Variants in DGKI observed in about 807,000 individuals in gnomAD.
The protein encoded by DGKI is diacylglycerol kinase iota.
DGKI carries 55 observed loss-of-function variants against 147.5 expected under a neutral mutation model. The observed-to-expected ratio is 0.37, with a 90% CI of 0.30 to 0.47. DGKI has a LOEUF of 0.47. Ranked by LOEUF, DGKI falls within the 20% of genes least tolerant of loss-of-function variation. The pLI is 1.00. For missense variants in DGKI, 1,007 were observed against 1,323.8 expected, an observed-to-expected ratio of 0.76 and a Z score of 3.71; for synonymous variants, 469 against 477.1, an observed-to-expected ratio of 0.98 and a Z score of 0.22.
chr7:137,653,175 G>A (rs952793996), intron 5 of DGKI, among the ~76,000 whole-genome samples: 1 of 152,214 alleles, frequency 6.6e-6, no homozygotes, highest in Non-Finnish European at 1.5e-5. Flanking sequence ...GCAGTAGCTT[G>A]GTTTAGTCTG....
Position 137,763,458 on chromosome 7 carries a change from G to C in DGKI, c.402-73456C>G, listed in dbSNP as rs1379882166. On this transcript the variant is annotated intron_variant, in intron 1 of 32. Coordinates refer to ENST00000614521, the MANE Select transcript of DGKI (RefSeq NM_001321708.2). ...TGCTTTGGCTTAACATTCTCAGTGGGCCAGTGTTTGCATTTAGGGATCACT... is the reference window on the plus strand; with the variant it reads ...TGCTTTGGCTTAACATTCTCAGTGGCCCAGTGTTTGCATTTAGGGATCACT... Among the ~76,000 whole-genome samples the C allele has an allele frequency of 1.3e-5, 2 of 152,144 alleles. 1 individual carries two copies. Among genetic ancestry groups the C allele is most frequent in the South Asian group, 4.1e-4 (2 of 4,820 alleles).
chr7:137,435,691 T>G (rs1373665702), intron 28 of DGKI, among the ~76,000 whole-genome samples: 1 of 152,172 alleles, frequency 6.6e-6, no homozygotes, highest in Non-Finnish European at 1.5e-5. Flanking sequence ...CCCAAAGTCA[T>G]TGCAAAGTGA....
In DGKI at chr7:137,466,017, T is replaced by A; in HGVS notation, c.2503A>T (p.Met835Leu). The A allele has an allele frequency of 3.7e-6, 6 of 1,613,792 alleles. No individual in the cohort carries two copies. Among genetic ancestry groups the A allele is most frequent in the Non-Finnish European group, 5.1e-6 (6 of 1,179,772 alleles). ...AAAATCTCATCTTGGGAAATCTCCA[T>A]CACAAAGTGCAAATGTTCCTAAAGA... Reference protein sequence around the residue: ...DRSQEHLHFVMEISQDEIFIL... With the variant: ...DRSQEHLHFVLEISQDEIFIL... The change falls in exon 26 of 33, where the codon ATG (methionine) becomes TTG (leucine). Residue 835 changes from methionine to leucine, a missense_variant. Physicochemically the swap from Met to Leu is conservative, Grantham distance 15. Around this residue, in one of 5 missense-constraint regions of DGKI, gnomAD observed 385 missense variants for 445.2 expected, o/e 0.86. Coordinates refer to ENST00000614521, the MANE Select transcript of DGKI (RefSeq NM_001321708.2).
chr7:137,635,357 A>T (rs1476438021), intron 6 of DGKI, among the ~76,000 whole-genome samples: 1 of 152,230 alleles, frequency 6.6e-6, no homozygotes, highest in Non-Finnish European at 1.5e-5. Flanking sequence ...ACAACCAGCT[A>T]CTTTGAGGCA....
rs1395317149 is a variant in DGKI, at chr7:137,383,309, T to C, written c.*7911A>G. On this transcript the variant is annotated 3_prime_UTR_variant, in exon 33 of 33. Coordinates refer to ENST00000614521, the MANE Select transcript of DGKI (RefSeq NM_001321708.2). ...CAATTCCCAAATCTCCTAAAAAAGA[T>C]ATGTTTCTACTAAAGCATAGGTGTG... 7.4e-6 allele frequency: 1 copy of C among 135,756 alleles called. No individual in the cohort carries two copies. Among genetic ancestry groups the C allele is most frequent in the Non-Finnish European group, 1.7e-5 (1 of 59,112 alleles). 8.4% of individuals were successfully genotyped at this position (135,756 alleles called of 1,614,324 possible).
At chr7:137,818,647 T>G (rs2882782) in intron 1 of DGKI, among the ~76,000 whole-genome samples, 2 of 152,116 alleles carry the variant, frequency 1.3e-5, no homozygotes, top group African/African-American at 4.8e-5. Context: ...TTCACCATGT[T>G]GGTCAGCTGG....
At chr7:137,397,305 T>C (rs1374824483) in intron 31 of DGKI, 72 bp downstream of exon 31, 1 of 1,430,304 alleles carries the variant, frequency 7.0e-7, no homozygotes, top group Non-Finnish European at 9.7e-7. Context: ...ATATGCTCTA[T>C]AGATTACATT....
chr7:137,425,876 A>C (rs10233838), intron 28 of DGKI, among the ~76,000 whole-genome samples: 61,672 of 151,694 alleles, frequency 0.41, 13,079 homozygotes, highest in East Asian at 0.74. Flanking sequence ...ATGAACAAAG[A>C]CTCCAAGAAA....
At chr7:137,603,988 T>C (rs991300892) in intron 10 of DGKI, among the ~76,000 whole-genome samples, 1 of 152,154 alleles carries the variant, frequency 6.6e-6, no homozygotes, top group African/African-American at 2.4e-5. Context: ...AGCTTTTTTT[T>C]CTCCCAGACT....
intron 23 of DGKI, among the ~76,000 whole-genome samples, chr7:137,476,876 A>C (rs577719809): frequency 6.6e-6 from 1 of 152,226 alleles, no homozygotes; most frequent in Non-Finnish European, 1.5e-5. Flanking sequence ...GACCTTATGC[A>C]CAGGGTTTTA....
chr7:137,445,063 T>A (rs985254185), intron 27 of DGKI, among the ~76,000 whole-genome samples: 1 of 152,174 alleles, frequency 6.6e-6, no homozygotes, highest in African/African-American at 2.4e-5. Context: ...ACTCAGGAGT[T>A]TGGCAATAGA....
intron 1 of DGKI, among the ~76,000 whole-genome samples, chr7:137,725,313 A>G (rs1187816720): frequency 6.6e-6 from 1 of 152,198 alleles, no homozygotes; most frequent in South Asian, 2.1e-4. Context: ...CATTTGAAAT[A>G]TATTCTTCTG....
intron 1 of DGKI, among the ~76,000 whole-genome samples, chr7:137,796,171 G>T (rs968276499): frequency 1.3e-5 from 2 of 152,162 alleles, no homozygotes; most frequent in Non-Finnish European, 2.9e-5. Context: ...CTCTGAGAAA[G>T]CCTAGATATT....
rs116195814 is a variant in DGKI, at chr7:137,781,002, G to A, written c.401+65460C>T. 2.9e-3 allele frequency among the ~76,000 whole-genome samples: 440 copies of A among 152,330 alleles called. 3 individuals carry two copies. Among genetic ancestry groups the A allele is most frequent in the African/African-American group, 0.01 (417 of 41,580 alleles). On this transcript the variant is annotated intron_variant, in intron 1 of 32. Coordinates refer to ENST00000614521, the MANE Select transcript of DGKI (RefSeq NM_001321708.2). Reference sequence around the variant, plus strand: ...TCCTCAGCAGTCTGTGCAGTTTGGGGAACAAATAGATTTGTGTCTGAACCA... The same window carrying A: ...TCCTCAGCAGTCTGTGCAGTTTGGGAAACAAATAGATTTGTGTCTGAACCA...
chr7:137,472,508 CTCT>C (rs1365703077), intron 23 of DGKI, among the ~76,000 whole-genome samples: 1 of 143,432 alleles, frequency 7.0e-6, no homozygotes, highest in East Asian at 2.0e-4. Context: ...TATATATTTC[CTCT>C]TTTTTGAACT....
rs1158645298 is a variant in DGKI at position 137,638,593 on chromosome 7, TAC to T, written c.804+6877_804+6878del. Among the ~76,000 whole-genome samples, 9 of 50,874 alleles carry T rather than the reference TAC, an allele frequency of 1.8e-4. 3 individuals are homozygous for T. The highest frequency in any genetic ancestry group is 2.7e-4 in the African/African-American group (3 of 11,124). 33.4% of individuals were successfully genotyped at this position (50,874 alleles called of 152,430 possible). On this transcript the variant is annotated intron_variant, in intron 6 of 32. Coordinates refer to ENST00000614521, the MANE Select transcript of DGKI (RefSeq NM_001321708.2). ...ACATATATGTATATATACACATATA[TAC>T]ATATATGTATATATATACACACACA...
intron 22 of DGKI, 80 bp downstream of exon 22, chr7:137,487,530 A>G: frequency 7.8e-7 from 1 of 1,280,182 alleles, no homozygotes; most frequent in Non-Finnish European, 1.1e-6. Flanking sequence ...GCATCATTTC[A>G]GAAGCAAATA....
intron 8 of DGKI, among the ~76,000 whole-genome samples, chr7:137,614,014 ACT>A (rs2128994619): frequency 6.6e-6 from 1 of 152,050 alleles, no homozygotes; most frequent in South Asian, 2.1e-4. Context: ...GTGAAAGGAG[ACT>A]CTCTTATCTG....
At chr7:137,791,294 C>T (rs1166760381) in intron 1 of DGKI, among the ~76,000 whole-genome samples, 1 of 152,152 alleles carries the variant, frequency 6.6e-6, no homozygotes, top group Non-Finnish European at 1.5e-5. Flanking sequence ...CATTCTTTTG[C>T]AAGTGACCTA....
Sources: allele counts gnomAD v4.1 joint callset (sites outside exome capture counted in the v4.1 genomes callset), GRCh38; gene constraint gnomAD v4.1.1; regional missense constraint gnomAD v4.1.1; transcripts MANE v1.5; gene names NCBI Gene and HGNC (gene_info 2026-07-23, HGNC 2026-07-21).